Variants in ANO4 observed in about 807,000 individuals in gnomAD.
ANO4 encodes anoctamin 4.
Under a neutral mutation model 141.9 loss-of-function variants are expected in ANO4, and 69 were observed. The ratio of observed to expected loss-of-function variants is 0.49; its 90% CI spans 0.40 to 0.59. The LOEUF (loss-of-function observed/expected upper bound fraction) is 0.59, where lower values mean the gene tolerates loss of function less well. Ranked by LOEUF, ANO4 falls within the 20% of genes least tolerant of loss-of-function variation. The probability of loss-of-function intolerance (pLI) is 0.00; values close to 1 mark genes in which losing one functional copy is unlikely to be tolerated. For missense variants in ANO4, 894 were observed against 1,162.2 expected (o/e 0.77, Z 3.36); for synonymous variants, 350 against 394.3 (o/e 0.89, Z 1.33).
intron 3 of ANO4, among the ~76,000 whole-genome samples, chr12:100,930,511 T>G (rs2042048565): frequency 6.6e-6 from 1 of 152,206 alleles, no homozygotes; most frequent in Non-Finnish European, 1.5e-5. Context: ...GATTTGTTTT[T>G]GGGTTCTCTG....
At chr12:101,042,599 C>G in intron 12 of ANO4, 131 bp downstream of exon 12, 1 of 1,282,460 alleles carries the variant, frequency 7.8e-7, no homozygotes, top group Non-Finnish European at 1.1e-6. Flanking sequence ...CATGGAAAAA[C>G]TCAAAGTTTC....
chr12:100,995,116 AAG>A (rs35161457), intron 8 of ANO4, among the ~76,000 whole-genome samples: 12,396 of 151,574 alleles, frequency 0.082, 526 homozygotes, highest in Middle Eastern at 0.12. Flanking sequence ...AACAGAGAAA[AAG>A]AGGGTGGGGT....
intron 1 of ANO4, among the ~76,000 whole-genome samples, chr12:100,882,579 C>G (rs2039622742): frequency 2.6e-5 from 4 of 152,136 alleles, no homozygotes. Context: ...TATTATTACC[C>G]TACATCCAGT....
At chr12:101,112,069 T>C (rs2050684901) in intron 24 of ANO4, among the ~76,000 whole-genome samples, 1 of 152,190 alleles carries the variant, frequency 6.6e-6, no homozygotes, top group South Asian at 2.1e-4. Flanking sequence ...ATGATGTATA[T>C]ATAGTTATAT....
At chr12:100,813,728 G>A (rs2135712818) in intron 1 of ANO4, among the ~76,000 whole-genome samples, 1 of 152,214 alleles carries the variant, frequency 6.6e-6, no homozygotes, top group Non-Finnish European at 1.5e-5. Context: ...GCTTGAGCTT[G>A]GTCAGATATC....
intron 3 of ANO4, among the ~76,000 whole-genome samples, chr12:100,924,210 G>T (rs923719098): frequency 6.6e-6 from 1 of 152,076 alleles, no homozygotes; most frequent in Non-Finnish European, 1.5e-5. Flanking sequence ...TGAAGTCCTT[G>T]CCCATGCCTA....
chr12:101,080,882 A>ATATATATATATATATATT (rs1566219496), intron 15 of ANO4, among the ~76,000 whole-genome samples: 3 of 91,284 alleles, frequency 3.3e-5, no homozygotes, highest in East Asian at 4.8e-4. Context: ...ATATATATAT[A>ATATATATATATATATATT]TTATATATAT....
intron 25 of ANO4, among the ~76,000 whole-genome samples, 160 bp from the exon 26 acceptor site, chr12:101,120,360 A>T (rs1400903571): frequency 6.6e-6 from 1 of 152,180 alleles, no homozygotes; most frequent in Middle Eastern, 3.2e-3. Flanking sequence ...ATATTATTTT[A>T]TCAGAAGAAA....
intron 14 of ANO4, among the ~76,000 whole-genome samples, chr12:101,067,830 T>A (rs694265): frequency 0.25 from 37,891 of 152,190 alleles, 5,044 homozygotes; most frequent in East Asian, 0.54. Flanking sequence ...CAAATGACAA[T>A]TTCTTAATAA....
chr12:100,918,505 A>G (rs888711588), intron 2 of ANO4, among the ~76,000 whole-genome samples: 1 of 152,234 alleles, frequency 6.6e-6, no homozygotes, highest in Non-Finnish European at 1.5e-5. Context: ...CATGCACCGC[A>G]TGATGACTTT....
chr12:100,837,496 C>T (rs967692092), intron 1 of ANO4, among the ~76,000 whole-genome samples: 12 of 152,134 alleles, frequency 7.9e-5, no homozygotes, highest in Middle Eastern at 3.4e-3. Context: ...GCTCTCTCGA[C>T]CGGGTGCAGT....
intron 2 of ANO4, among the ~76,000 whole-genome samples, chr12:100,736,265 G>T (rs2031609447): frequency 6.6e-6 from 1 of 152,174 alleles, no homozygotes. Flanking sequence ...GGATGATTCA[G>T]TAGCTAACAA....
At chr12:100,755,801 G>A (rs1307128047) in intron 3 of ANO4, among the ~76,000 whole-genome samples, 1 of 152,142 alleles carries the variant, frequency 6.6e-6, no homozygotes, top group Non-Finnish European at 1.5e-5. Context: ...TGCTAACAGT[G>A]CAGCTGATGT....
chr12:101,023,542 A>G (rs931199853), intron 9 of ANO4, among the ~76,000 whole-genome samples: 1 of 152,182 alleles, frequency 6.6e-6, no homozygotes, highest in Non-Finnish European at 1.5e-5. Flanking sequence ...CGTGGTGGTC[A>G]GTACCTATAG....
intron 14 of ANO4, among the ~76,000 whole-genome samples, chr12:101,055,313 G>C (rs971477303): frequency 6.6e-6 from 1 of 152,114 alleles, no homozygotes; most frequent in Non-Finnish European, 1.5e-5. Context: ...GAGAATTCCA[G>C]GTGTTCCACA....
chr12:100,759,070 G>A (rs1049172997), intron 3 of ANO4, among the ~76,000 whole-genome samples: 1 of 152,010 alleles, frequency 6.6e-6, no homozygotes, highest in Admixed American at 6.6e-5. Context: ...TATTTTGGGA[G>A]GCACTATTTA....
chr12:100,760,656 GT>G (rs1170908213), intron 3 of ANO4, among the ~76,000 whole-genome samples: 1 of 152,132 alleles, frequency 6.6e-6, no homozygotes, highest in Non-Finnish European at 1.5e-5. Flanking sequence ...CTCTAGTCTT[GT>G]AAAACGTTCA....
At chr12:100,907,778 C>T (rs1375193576) in intron 2 of ANO4, among the ~76,000 whole-genome samples, 2 of 152,152 alleles carry the variant, frequency 1.3e-5, no homozygotes, top group East Asian at 3.9e-4. Context: ...CCTTGAATGA[C>T]ATGATACTCA....
intron 3 of ANO4, among the ~76,000 whole-genome samples, chr12:100,755,953 C>T (rs2032589885): frequency 6.6e-6 from 1 of 152,178 alleles, no homozygotes. Context: ...ACATAGTTTG[C>T]AAAGAGATTC....
Sources: gnomAD v4.1 joint callset for allele counts (sites outside exome capture counted in the v4.1 genomes callset) on GRCh38, gnomAD v4.1.1 for gene constraint, MANE v1.5 for transcripts, NCBI Gene and HGNC (gene_info 2026-07-23, HGNC 2026-07-21) for gene names.